Variants in SEC24B observed in about 807,000 individuals in gnomAD.
SEC24B encodes the protein SEC24 homolog B, COPII component.
A neutral mutation model predicts 142.8 loss-of-function variants in SEC24B; 45 were observed. The ratio of observed to expected loss-of-function variants is 0.32; its 90% confidence interval spans 0.25 to 0.40. The LOEUF is 0.40. SEC24B is among the 10% of genes least tolerant of loss of function. SEC24B has a pLI of 1.00. For missense variants in SEC24B, 1,409 were observed against 1,526.8 expected, an observed-to-expected ratio of 0.92 and a Z score of 1.29; for synonymous variants, 574 against 568.2, an observed-to-expected ratio of 1.01 and a Z score of -0.15.
At position 109,539,574 on chromosome 4, in the gene SEC24B, G is replaced by A. The variant is rs781014991; in HGVS notation, c.3706G>A (p.Ala1236Thr). ...TCTTTCTTCCAGAGATGAGAGTCCTGCCAAAGCAGAATTTTTTCAGCATTT... is the reference window on the plus strand; with the variant it reads ...TCTTTCTTCCAGAGATGAGAGTCCTACCAAAGCAGAATTTTTTCAGCATTT... ...ILHIVKDESP[A>T]KAEFFQHLIE... The change falls in exon 24 of 24, where the codon GCC (alanine) becomes ACC (threonine). Residue 1236 changes from alanine (A) to threonine (T), a missense_variant. Physicochemically the swap from Ala to Thr is moderately conservative, Grantham distance 58. Around this residue, in one of 2 missense-constraint regions of SEC24B, gnomAD observed 700 missense variants for 853.3 expected, o/e 0.82. Coordinates refer to ENST00000265175, the MANE Select transcript of SEC24B (RefSeq NM_006323.5). 10 of 1,612,652 alleles carry A rather than the reference G, an allele frequency of 6.2e-6. No individual in the cohort carries two copies. Among genetic ancestry groups the A allele is most frequent in the Non-Finnish European group, 8.5e-6 (10 of 1,178,868 alleles).
chr4:109,492,657 G>C (rs1246379263), intron 5 of SEC24B, among the ~76,000 whole-genome samples: 1 of 152,162 alleles, frequency 6.6e-6, no homozygotes, highest in African/African-American at 2.4e-5. Context: ...AATGTTAAAT[G>C]AATTGTAGGC....
intron 22 of SEC24B, among the ~76,000 whole-genome samples, chr4:109,536,194 A>G (rs1332293668): frequency 1.3e-5 from 2 of 152,206 alleles, no homozygotes; most frequent in East Asian, 3.8e-4. Flanking sequence ...TATGAAAAAT[A>G]AATTCTAAGT....
chr4:109,481,749 A>T lies in SEC24B; in HGVS notation c.1133A>T (p.Asp378Val), dbSNP rs920901142. 1.2e-6 allele frequency: 2 copies of T among 1,613,876 alleles called. No homozygotes were observed. Among genetic ancestry groups the T allele is most frequent in the Non-Finnish European group, 1.7e-6 (2 of 1,179,788 alleles). The change falls in exon 4 of 24, where the codon GAT becomes GTT. Residue 378 changes from aspartate (D) to valine (V), a missense_variant. By Grantham distance (152) the Asp-to-Val change is radical. Around this residue, in one of 2 missense-constraint regions of SEC24B, gnomAD observed 709 missense variants for 673.5 expected, o/e 1.05. Coordinates refer to ENST00000265175, the MANE Select transcript of SEC24B (RefSeq NM_006323.5). Reference protein sequence around the residue: ...APTPLSSTSDDEEEEEEDEEA... With the variant: ...APTPLSSTSDVEEEEEEDEEA... ...ACTCCCTTGTCATCAACTTCCGATG[A>T]TGAGGAAGAGGAGGAGGAGGATGAG...
At chr4:109,478,855 C>T (rs141250476) in intron 3 of SEC24B, among the ~76,000 whole-genome samples, 116 of 152,256 alleles carry the variant, frequency 7.6e-4, no homozygotes, top group African/African-American at 2.7e-3. Flanking sequence ...TTACAGGAAT[C>T]GACATCTGAA....
At chr4:109,451,825 T>C (rs1317005630) in intron 1 of SEC24B, among the ~76,000 whole-genome samples, 1 of 152,208 alleles carries the variant, frequency 6.6e-6, no homozygotes, top group Non-Finnish European at 1.5e-5. Flanking sequence ...TTTGTGTCTA[T>C]CTGTATCTGT....
rs779486865 is a variant in SEC24B at position 109,531,398 on chromosome 4, C to T, written c.3266C>T (p.Thr1089Met). The T allele has an allele frequency of 1.1e-5, 17 of 1,607,822 alleles. No individual in the cohort carries two copies. Among genetic ancestry groups the T allele is most frequent in the African/African-American group, 5.3e-5 (4 of 74,884 alleles). ...TTTTCCTTGTAGAAAGCATTTAGAA[C>T]GGGTACAAGCACACGGCTGGATGAT... ...LALLKQKAFR[T>M]GTSTRLDDRV... is the part of the protein sequence containing the mutation. The change falls in exon 20 of 24, where the codon ACG (threonine) becomes ATG (methionine). Residue 1089 changes from threonine to methionine, a missense_variant. Physicochemically the swap from Thr to Met is moderately conservative, Grantham distance 81. Transcript: ENST00000265175.
intron 21 of SEC24B, 41 bp downstream of exon 21, chr4:109,532,784 T>G: frequency 9.7e-7 from 1 of 1,026,100 alleles, no homozygotes; most frequent in Non-Finnish European, 1.5e-6. Flanking sequence ...CTGTTTGAGC[T>G]GACCAAAAAC....
At chr4:109,443,656 C>CT (rs1729136903) in intron 1 of SEC24B, among the ~76,000 whole-genome samples, 1 of 152,198 alleles carries the variant, frequency 6.6e-6, no homozygotes, top group African/African-American at 2.4e-5. Flanking sequence ...TCCAGGAGTT[C>CT]TGTACCCCTC....
At chr4:109,440,894 T>C (rs1197102683) in intron 1 of SEC24B, among the ~76,000 whole-genome samples, 1 of 152,208 alleles carries the variant, frequency 6.6e-6, no homozygotes, top group African/African-American at 2.4e-5. Flanking sequence ...TCCCCTTTTT[T>C]GTATTTAAGG....
chr4:109,497,179 T>A (rs886970959), intron 6 of SEC24B, among the ~76,000 whole-genome samples: 5 of 152,258 alleles, frequency 3.3e-5, no homozygotes, highest in African/African-American at 1.2e-4. Flanking sequence ...AAAGAGATCA[T>A]GTGGCTCTCA....
chr4:109,534,277 T>TG (rs1348947541), intron 22 of SEC24B, among the ~76,000 whole-genome samples: 2 of 127,428 alleles, frequency 1.6e-5, no homozygotes, highest in African/African-American at 9.7e-5. Flanking sequence ...GAAATATTTG[T>TG]GGTTTTTTTT....
In SEC24B at chr4:109,433,921, C is replaced by A; in HGVS notation, c.52C>A (p.Pro18Thr). ...CCCGGCCGCCAGCGCCCGGATCCCG[C>A]CCAAGTTCGGCGGAGCGGCCGTCTC... ...SHPAASARIP[P>T]KFGGAAVSGA... Residue 18 changes from proline (P) to threonine (T), a missense_variant, in exon 1 of 24, where the codon CCC (proline) becomes ACC (threonine). Around this residue, in one of 2 missense-constraint regions of SEC24B, gnomAD observed 709 missense variants for 673.5 expected, o/e 1.05. Coordinates refer to ENST00000265175, the MANE Select transcript of SEC24B (RefSeq NM_006323.5). The A allele has an allele frequency of 7.6e-7, 1 of 1,318,272 alleles. No individual in the cohort carries two copies. The highest frequency in any genetic ancestry group is 9.7e-7 in the Non-Finnish European group (1 of 1,032,662). The allele number at this position is 1,318,272 out of a possible 1,614,324, so 81.7% of individuals were successfully genotyped here.
intron 6 of SEC24B, among the ~76,000 whole-genome samples, chr4:109,496,154 C>T (rs1735521997): frequency 6.6e-6 from 1 of 151,802 alleles, no homozygotes; most frequent in African/African-American, 2.4e-5. Flanking sequence ...ACTCTACTGC[C>T]TAGGCTGGAG....
rs1164299740 is a variant in SEC24B, at chr4:109,481,795, T to C, written c.1165+14T>C. ...ATGAGGAAGCAGGTCTGCTTTAGCT[T>C]TACACCAGTTCTTGATCTTTTCCTG... is the stretch of plus-strand genomic sequence containing the variant. On this transcript the variant is annotated intron_variant, in intron 4 of 23. Coordinates refer to ENST00000265175, the MANE Select transcript of SEC24B (RefSeq NM_006323.5). The C allele has an allele frequency of 6.3e-7, 1 of 1,584,328 alleles. No homozygotes were observed.
chr4:109,439,923 C>A (rs1451765099), intron 1 of SEC24B, among the ~76,000 whole-genome samples: 3 of 151,328 alleles, frequency 2.0e-5, no homozygotes, highest in African/African-American at 7.3e-5. Context: ...GAGTTTGAGA[C>A]CAGCCTGGAC....
intron 11 of SEC24B, among the ~76,000 whole-genome samples, chr4:109,517,844 A>G (rs1036795046): frequency 6.6e-6 from 1 of 152,224 alleles, no homozygotes; most frequent in African/African-American, 2.4e-5. Context: ...ACTTGTTTTA[A>G]TTGCACTGAT....
rs1403230119 is a variant in SEC24B, at chr4:109,525,405, C to T, written c.2692C>T (p.His898Tyr). The T allele has an allele frequency of 6.2e-7, 1 of 1,611,830 alleles. No individual in the cohort carries two copies. The highest frequency in any genetic ancestry group is 8.5e-7 in the Non-Finnish European group (1 of 1,178,718). Residue 898 changes from histidine (H) to tyrosine (Y), a missense_variant, in exon 16 of 24, where the codon CAC becomes TAC. By Grantham distance (83) the His-to-Tyr change is moderately conservative. Coordinates refer to ENST00000265175, the MANE Select transcript of SEC24B (RefSeq NM_006323.5). ...TTATTATCCATCATTCCACTATACT[C>T]ACAATCCTTCACAAGCAGAAAAGTT... is the stretch of plus-strand genomic sequence containing the variant. ...IYYYPSFHYT[H>Y]NPSQAEKLQK...
rs7665489 is a variant in SEC24B, at chr4:109,514,289, C to G, written c.2013+433C>G. 3.8e-3 allele frequency among the ~76,000 whole-genome samples: 573 copies of G among 152,312 alleles called. 4 individuals are homozygous for G. Among genetic ancestry groups the G allele is most frequent in the African/African-American group, 0.013 (550 of 41,548 alleles). On this transcript the variant is annotated intron_variant, in intron 10 of 23. Coordinates refer to ENST00000265175, the MANE Select transcript of SEC24B (RefSeq NM_006323.5). ...CTGTTGCAATTAGAAAATTCTGTCTCTTCTTTAATTATATGAACTGTAAGA... is the reference window on the plus strand; with the variant it reads ...CTGTTGCAATTAGAAAATTCTGTCTGTTCTTTAATTATATGAACTGTAAGA...
At chr4:109,474,467 C>A (rs533179713) in intron 3 of SEC24B, among the ~76,000 whole-genome samples, 3 of 151,142 alleles carry the variant, frequency 2.0e-5, no homozygotes, top group East Asian at 3.9e-4. Context: ...CTCTGTCACC[C>A]GGGGTTGAGT....
Sources: allele counts gnomAD v4.1 joint callset (sites outside exome capture counted in the v4.1 genomes callset), GRCh38; gene constraint gnomAD v4.1.1; regional missense constraint gnomAD v4.1.1; transcripts MANE v1.5; gene names NCBI Gene and HGNC (gene_info 2026-07-23, HGNC 2026-07-21).